The following PIK3C2G variants were observed in gnomAD, a reference collection of about 807,000 sequenced individuals.
PIK3C2G encodes phosphatidylinositol-4-phosphate 3-kinase catalytic subunit type 2 gamma, also known as phosphatidylinositol 3-kinase C2 domain-containing subunit gamma.
A neutral mutation model predicts 181.1 loss-of-function variants in PIK3C2G; 168 were observed. The ratio of observed to expected loss-of-function variants is 0.93; its 90% CI spans 0.82 to 1.05. The LOEUF (loss-of-function observed/expected upper bound fraction) is 1.05. PIK3C2G is among the 50% of genes least tolerant of loss of function. PIK3C2G has a pLI of 0.00. For missense variants in PIK3C2G, 1,869 were observed against 1,732.8 expected (o/e 1.08, Z -1.40); for synonymous variants, 573 against 592.2 (o/e 0.97, Z 0.47).
At chr12:18,259,152 A>C (rs531741675), upstream of PIK3C2G, among the ~76,000 whole-genome samples, 1 of 152,258 alleles carries the variant, frequency 6.6e-6, no homozygotes, top group Non-Finnish European at 1.5e-5. Flanking sequence ...TCATGATAGC[A>C]GAAATCTTGT....
intron 8 of PIK3C2G, among the ~76,000 whole-genome samples, chr12:18,333,662 G>T (rs1938212882): frequency 6.6e-6 from 1 of 152,124 alleles, no homozygotes; most frequent in Non-Finnish European, 1.5e-5. Context: ...TTTCAAAGCT[G>T]TTTTTAATCT....
chr12:18,650,331 C>CTCTCTCTATA (rs1555163997), downstream of PIK3C2G, among the ~76,000 whole-genome samples: 3 of 91,986 alleles, frequency 3.3e-5, no homozygotes, highest in Non-Finnish European at 6.2e-5. Context: ...CTCTCTCTCT[C>CTCTCTCTATA]TATATATATA....
At chr12:18,686,957 A>C in the PIK3C2G span, among the ~76,000 whole-genome samples, 1 of 152,066 alleles carries the variant, frequency 6.6e-6, no homozygotes, top group Non-Finnish European at 1.5e-5. Flanking sequence ...TGCATTGAAT[A>C]AATTAAGTTT....
At chr12:18,705,930 A>C in the PIK3C2G span, among the ~76,000 whole-genome samples, 1 of 148,000 alleles carries the variant, frequency 6.8e-6, no homozygotes, top group Middle Eastern at 4.0e-3. Flanking sequence ...ATATAGACCA[A>C]TTAAGAAGAA....
chr12:18,709,782 T>A, the PIK3C2G span, among the ~76,000 whole-genome samples: 1 of 152,160 alleles, frequency 6.6e-6, no homozygotes, highest in Non-Finnish European at 1.5e-5. Flanking sequence ...ATTTTATATC[T>A]TCTGATTCAG....
intron 4 of PIK3C2G, among the ~76,000 whole-genome samples, chr12:18,292,948 C>T (rs947346811): frequency 6.6e-6 from 1 of 152,148 alleles, no homozygotes; most frequent in African/African-American, 2.4e-5. Flanking sequence ...TTAACACTAA[C>T]TGTGTAATCT....
the PIK3C2G span, among the ~76,000 whole-genome samples, chr12:18,656,630 G>A: frequency 1.3e-5 from 2 of 152,140 alleles, no homozygotes; most frequent in East Asian, 3.9e-4. Flanking sequence ...CAGCTACTTG[G>A]GAAGCTCAGG....
intron 12 of PIK3C2G, among the ~76,000 whole-genome samples, chr12:18,367,594 G>T (rs1759714408): frequency 6.6e-6 from 1 of 151,782 alleles, no homozygotes; most frequent in Admixed American, 6.6e-5. Context: ...CACTCTTGTT[G>T]CCCAGGCTAG....
At position 18,382,348 on chromosome 12, in the gene PIK3C2G, C is replaced by T. The variant is rs568535717; in HGVS notation, c.1995+468C>T. On this transcript the variant is annotated intron_variant, in intron 14 of 32. Transcript: ENST00000538779. ...GCAAAGTAATTATCCTTCTTTTTTTCTTAAAGTCTCTCTACTCTGTGTGAT... is the reference window on the plus strand; with the variant it reads ...GCAAAGTAATTATCCTTCTTTTTTTTTTAAAGTCTCTCTACTCTGTGTGAT... 6.5e-4 allele frequency among the ~76,000 whole-genome samples: 98 copies of T among 151,588 alleles called. 1 individual carries two copies. The South Asian group carries it at 7.3e-3, about 11-fold the overall frequency.
At chr12:18,328,627 T>C (rs935632035) in intron 8 of PIK3C2G, among the ~76,000 whole-genome samples, 4 of 151,984 alleles carry the variant, frequency 2.6e-5, no homozygotes, top group Admixed American at 1.3e-4. Context: ...TATTCGACCT[T>C]CCTCAGATTT....
chr12:18,369,187 T>A lies in PIK3C2G; in HGVS notation c.1749-1993T>A, dbSNP rs1287314455. On this transcript the variant is annotated intron_variant, in intron 12 of 32. Coordinates refer to ENST00000538779, the MANE Select transcript of PIK3C2G (RefSeq NM_001288772.2). The stretch of plus-strand genomic sequence containing the variant: ...TCCCATAAAGATGCTCGGTCACTCT[T>A]CAAGTCTCTTTGCTCTTTATCCTTC... Among the ~76,000 whole-genome samples the A allele has an allele frequency of 2.0e-5, 3 of 152,316 alleles. No homozygotes were observed. In the East Asian group the frequency reaches 5.8e-4, roughly 29 times the overall value.
intron 18 of PIK3C2G, among the ~76,000 whole-genome samples, chr12:18,427,059 T>G (rs1945855637): frequency 6.6e-6 from 1 of 152,192 alleles, no homozygotes; most frequent in Non-Finnish European, 1.5e-5. Context: ...AAGACTCCAT[T>G]AAACTCAATG....
At chr12:18,314,808 A>G (rs920385398) in intron 6 of PIK3C2G, among the ~76,000 whole-genome samples, 3 of 152,226 alleles carry the variant, frequency 2.0e-5, no homozygotes, top group Admixed American at 2.0e-4. Flanking sequence ...GTAAAGGGGA[A>G]TCACTGAAGG....
At chr12:18,267,971 C>T (rs576478026) in intron 1 of PIK3C2G, among the ~76,000 whole-genome samples, 3 of 152,272 alleles carry the variant, frequency 2.0e-5, no homozygotes, top group South Asian at 2.1e-4. Context: ...GGCCATGTGG[C>T]CCTCGTTGCT....
At chr12:18,389,049 G>A (rs943907456) in intron 14 of PIK3C2G, among the ~76,000 whole-genome samples, 1 of 152,242 alleles carries the variant, frequency 6.6e-6, no homozygotes, top group Non-Finnish European at 1.5e-5. Context: ...CTCCTGAAGC[G>A]TTCCTTTCAA....
the PIK3C2G span, among the ~76,000 whole-genome samples, chr12:18,718,193 A>G: frequency 6.6e-6 from 1 of 152,248 alleles, no homozygotes; most frequent in Admixed American, 6.5e-5. Flanking sequence ...AAGTATTGGG[A>G]TGTAACCACA....
chr12:18,345,658 G>C (rs1031092101), intron 10 of PIK3C2G, among the ~76,000 whole-genome samples: 1 of 152,022 alleles, frequency 6.6e-6, no homozygotes, highest in Admixed American at 6.6e-5. Flanking sequence ...CAAACAATTA[G>C]AAACAAAAGG....
the PIK3C2G span, chr12:18,685,434 AT>A: frequency 5.0e-6 from 1 of 199,016 alleles, no homozygotes; most frequent in African/African-American, 2.3e-5. Flanking sequence ...ATTATTTTTC[AT>A]TTACAAAGGC....
Position 18,288,743 on chromosome 12 carries a change from C to G in PIK3C2G, c.761+1814C>G, listed in dbSNP as rs193090757. ...GAACTCTCTTCATACTTTAAGATATCACTCTTCTGAATAACTCTACTCACA... is the reference window on the plus strand; with the variant it reads ...GAACTCTCTTCATACTTTAAGATATGACTCTTCTGAATAACTCTACTCACA... On this transcript the variant is annotated intron_variant, in intron 3 of 32. Transcript: ENST00000538779. Among the ~76,000 whole-genome samples the G allele has an allele frequency of 1.4e-3, 220 of 152,248 alleles. 3 individuals are homozygous for G. Among genetic ancestry groups the G allele is most frequent in the Non-Finnish European group, 2.1e-3 (144 of 67,990 alleles).
Sources: gnomAD v4.1 joint callset for allele counts (sites outside exome capture counted in the v4.1 genomes callset) on GRCh38, gnomAD v4.1.1 for gene constraint, MANE v1.5 for transcripts, NCBI Gene and HGNC (gene_info 2026-07-23, HGNC 2026-07-21) for gene names.